Variants in PHF19 observed in about 807,000 individuals in gnomAD.
PHF19 encodes polycomb like 3.
A neutral mutation model predicts 79.8 loss-of-function variants in PHF19; 21 were observed. The observed-to-expected ratio is 0.26, with a 90% CI of 0.19 to 0.38. The LOEUF is 0.38. Among genes scored for constraint, PHF19 ranks in the 10% least tolerant of loss-of-function variants. The probability of loss-of-function intolerance (pLI) is 1.00; values close to 1 mark genes in which losing one functional copy is unlikely to be tolerated. For synonymous variants in PHF19, 273 were observed against 296.3 expected, an observed-to-expected ratio of 0.92 and a Z score of 0.81; for missense variants, 445 against 744.2, an observed-to-expected ratio of 0.60 and a Z score of 4.68.
chr9:120,859,142 G>GA (rs1466551800), intron 14 of PHF19, among the ~76,000 whole-genome samples: 1 of 148,166 alleles, frequency 6.7e-6, no homozygotes, highest in East Asian at 2.0e-4. Flanking sequence ...CAGGAAGAAA[G>GA]AAAAAACAGG....
rs1243323472 is a variant in PHF19, at chr9:120,862,954, T to C, written c.969-205A>G. The C allele has an allele frequency of 3.5e-6, 2 of 573,774 alleles. No homozygotes were observed. Among genetic ancestry groups the C allele is most frequent in the East Asian group, 5.9e-5 (2 of 33,862 alleles). 35.5% of individuals were successfully genotyped at this position (573,774 alleles called of 1,614,324 possible). ...GAGAACACGGCTGGTGCCTCCTCCC[T>C]GTGCTTCCTCCTGCATGAGTGTGGT... On this transcript the variant is annotated intron_variant, in intron 10 of 14. Transcript: ENST00000373896. The surrounding 1 kb of genome is among the most constrained non-coding windows in gnomAD (Gnocchi z 4.6).
At chr9:120,867,990 C>G (rs1390300635) in intron 6 of PHF19, among the ~76,000 whole-genome samples, 2 of 152,230 alleles carry the variant, frequency 1.3e-5, no homozygotes, top group Non-Finnish European at 1.5e-5. Context: ...GACAAGAATT[C>G]CCTCCACAGT....
At position 120,858,253 on chromosome 9, in the gene PHF19, T is replaced by A. The variant is rs147773784; in HGVS notation, c.1434A>T (p.Ala478=). 451 of 1,545,208 alleles carry A rather than the reference T, an allele frequency of 2.9e-4. 3 individuals are homozygous for A. The African/African-American group carries it at 5.7e-3, about 19-fold the overall frequency. ...WTVGSRKRKL[A]AKAYMPLRAK... ...CCCGCAGGGGCATGTATGCCTTGGC[T>A]GCCAGCTTCCTCTTTCGGCTGCCCA... Residue 478 remains alanine (A), a synonymous_variant, in exon 15 of 15, where the codon GCA becomes GCT. Transcript: ENST00000373896.
upstream of PHF19, chr9:120,877,448 C>G: frequency 4.0e-6 from 3 of 741,930 alleles, no homozygotes; most frequent in South Asian, 1.8e-4. Flanking sequence ...CCCGCCCCCG[C>G]CCGCCCCGCG....
chr9:120,897,978 C>CAAA (rs577932181), upstream of PHF19, among the ~76,000 whole-genome samples: 5 of 99,676 alleles, frequency 5.0e-5, no homozygotes, highest in African/African-American at 1.2e-4. Flanking sequence ...GACCCCGTCT[C>CAAA]AAAAAAAAAA....
chr9:120,873,162 T>C (rs2045953825), intron 3 of PHF19, among the ~76,000 whole-genome samples: 1 of 152,228 alleles, frequency 6.6e-6, no homozygotes, highest in South Asian at 2.1e-4. Context: ...CTTCTTACCC[T>C]GCTAGGGGCC....
chr9:120,860,911 G>A lies in PHF19; in HGVS notation c.1304+178C>T, dbSNP rs2045502146. The A allele has an allele frequency of 3.4e-6, 2 of 581,926 alleles. No individual in the cohort carries two copies. The highest frequency in any genetic ancestry group is 2.7e-5 in the Admixed American group (1 of 37,048). 36.0% of individuals were successfully genotyped at this position (581,926 alleles called of 1,614,324 possible). On this transcript the variant is annotated intron_variant, in intron 13 of 14. Transcript: ENST00000373896. The surrounding 1 kb of genome is among the most constrained non-coding windows in gnomAD (Gnocchi z 4.1). The stretch of plus-strand genomic sequence containing the variant: ...ATGGGGCAAGGTGGGGAGGGCTGGA[G>A]AAGAGGGGAGGGCTGTGGTGCTCTG...
upstream of PHF19, among the ~76,000 whole-genome samples, chr9:120,898,605 G>C (rs10985081): frequency 6.6e-6 from 1 of 152,216 alleles, no homozygotes; most frequent in African/African-American, 2.4e-5. Flanking sequence ...ACAGCTGATA[G>C]GTGTTTTTGT....
In PHF19 at chr9:120,860,912, A is replaced by G. The variant is rs1441755241; in HGVS notation, c.1304+177T>C. The G allele has an allele frequency of 1.2e-5, 7 of 582,024 alleles. No homozygotes were observed. In the East Asian group the frequency reaches 2.1e-4, roughly 17 times the overall value. 36.1% of individuals were successfully genotyped at this position (582,024 alleles called of 1,614,324 possible). On this transcript the variant is annotated intron_variant, in intron 13 of 14. Coordinates refer to ENST00000373896, the MANE Select transcript of PHF19 (RefSeq NM_015651.3). This position sits in a 1 kb window ranked among gnomAD's most constrained non-coding sequence, Gnocchi z 4.1. Reference sequence around the variant, plus strand: ...TGGGGCAAGGTGGGGAGGGCTGGAGAAGAGGGGAGGGCTGTGGTGCTCTGG... The same window carrying G: ...TGGGGCAAGGTGGGGAGGGCTGGAGGAGAGGGGAGGGCTGTGGTGCTCTGG...
At chr9:120,902,972 A>G in the PHF19 span, 1 of 152,228 alleles carries the variant, frequency 6.6e-6, no homozygotes, top group Non-Finnish European at 1.5e-5. Context: ...AGAAATAGGC[A>G]ATCAAAAGTG....
intron 9 of PHF19, 64 bp from the exon 10 acceptor site, chr9:120,864,180 C>T (rs1174441057): frequency 7.4e-7 from 1 of 1,347,002 alleles, no homozygotes; most frequent in East Asian, 2.4e-5. Flanking sequence ...AGGCCCAAGC[C>T]CCTACTCCCT....
intron 12 of PHF19, 35 bp from the exon 13 acceptor site, chr9:120,861,209 C>T (rs768720220): frequency 4.6e-5 from 56 of 1,212,196 alleles, no homozygotes; most frequent in Non-Finnish European, 6.6e-5. Context: ...AAGGGTCAGA[C>T]AGCGAGTATC....
At position 120,874,550 on chromosome 9, in the gene PHF19, G is replaced by A; in HGVS notation, c.186+6C>T. 2.5e-6 allele frequency: 4 copies of A among 1,584,050 alleles called. No homozygotes were observed. Among genetic ancestry groups the A allele is most frequent in the Non-Finnish European group, 2.6e-6 (3 of 1,152,990 alleles). Reference sequence around the variant, plus strand: ...TGAGAACAGGGGCCAGAGAGGATGGGTTTACCCTCTTGATCTTCCCGAGGT... The same window carrying A: ...TGAGAACAGGGGCCAGAGAGGATGGATTTACCCTCTTGATCTTCCCGAGGT... On this transcript the variant is annotated splice_donor_region_variant and intron_variant, in intron 2 of 14. Coordinates refer to ENST00000373896, the MANE Select transcript of PHF19 (RefSeq NM_015651.3). The surrounding 1 kb of genome is among the most constrained non-coding windows in gnomAD (Gnocchi z 4.5).
At chr9:120,887,653 G>GACAC (rs1010259077) in intron 1 of PHF19, among the ~76,000 whole-genome samples, 14 of 31,762 alleles carry the variant, frequency 4.4e-4, no homozygotes, top group East Asian at 9.2e-4. Flanking sequence ...CACACACACA[G>GACAC]ACACACACAC....
In PHF19 at chr9:120,869,707, A is replaced by G. The variant is rs371375676; in HGVS notation, c.465+138T>C. On this transcript the variant is annotated intron_variant, in intron 5 of 14. Transcript: ENST00000373896. This position sits in a 1 kb window ranked among gnomAD's most constrained non-coding sequence, Gnocchi z 5.8. ...GAGTCTACAAATCCTGGCCAAGGAC[A>G]GTGGCAGAGGCGCTATCTGTCTCCA... The G allele has an allele frequency of 6.4e-7, 1 of 1,555,528 alleles. No individual in the cohort carries two copies. The highest frequency in any genetic ancestry group is 8.7e-7 in the Non-Finnish European group (1 of 1,148,850).
intron 9 of PHF19, among the ~76,000 whole-genome samples, chr9:120,865,019 AT>A (rs1311452206): frequency 6.6e-6 from 1 of 152,186 alleles, no homozygotes; most frequent in African/African-American, 2.4e-5. Context: ...TATAATATCT[AT>A]TTTTTTAAAA....
At chr9:120,863,273 T>C (rs1245094782) in intron 10 of PHF19, among the ~76,000 whole-genome samples, 3 of 151,056 alleles carry the variant, frequency 2.0e-5, no homozygotes, top group African/African-American at 7.3e-5. Context: ...AGCAGAGCTT[T>C]GTCTGGGCCC....
At chr9:120,872,037 C>CAAAAAAAAAA (rs1170243737) in intron 3 of PHF19, among the ~76,000 whole-genome samples, 5 of 30,324 alleles carry the variant, frequency 1.6e-4, no homozygotes, top group East Asian at 1.7e-3. Context: ...GACTCTGTCT[C>CAAAAAAAAAA]AAAAAAAAAA....
At position 120,856,210 on chromosome 9, in the gene PHF19, G is replaced by A. The variant is rs555121968; in HGVS notation, c.*1734C>T. 1 of 153,024 alleles carries A rather than the reference G, an allele frequency of 6.5e-6. No homozygotes were observed. Among genetic ancestry groups the A allele is most frequent in the South Asian group, 2.1e-4 (1 of 4,838 alleles). 9.5% of individuals were successfully genotyped at this position (153,024 alleles called of 1,614,324 possible). A position where few individuals can be genotyped will look rare whatever the true frequency, so the allele number is the denominator to read the frequency against. On this transcript the variant is annotated 3_prime_UTR_variant, in exon 15 of 15. Coordinates refer to ENST00000373896, the MANE Select transcript of PHF19 (RefSeq NM_015651.3). ...GCCTGGGCTGTGCCAGGGAAGCAGAGGAAAGTGGGTGGGCTGTGCACAGGA... is the reference window on the plus strand; with the variant it reads ...GCCTGGGCTGTGCCAGGGAAGCAGAAGAAAGTGGGTGGGCTGTGCACAGGA...
Sources: allele counts gnomAD v4.1 joint callset (sites outside exome capture counted in the v4.1 genomes callset), GRCh38; gene constraint gnomAD v4.1.1; non-coding constraint Gnocchi (gnomAD v3.1); transcripts MANE v1.5; gene names NCBI Gene and HGNC (gene_info 2026-07-23, HGNC 2026-07-21).